PBX3: variants seen among roughly 807,000 people sequenced by gnomAD.
The protein encoded by PBX3 is PBX homeobox 3.
Under a neutral mutation model 48.5 loss-of-function variants are expected in PBX3, and 14 were observed. The observed-to-expected ratio is 0.29, with a 90% confidence interval of 0.19 to 0.45. PBX3 has a LOEUF of 0.45. Ranked by LOEUF, PBX3 falls within the 20% of genes least tolerant of loss-of-function variation. The pLI is 1.00. For missense variants in PBX3, 386 were observed against 546.7 expected (o/e 0.71, Z 2.93); for synonymous variants, 210 against 200.3 (o/e 1.05, Z -0.41).
At chr9:125,748,362 G>C (rs1836266251) in intron 1 of PBX3, 188 bp from the exon 2 acceptor site, 5 of 1,319,482 alleles carry the variant, frequency 3.8e-6, no homozygotes, top group African/African-American at 1.5e-5. Context: ...TCCGGCTGCA[G>C]CTTTCGCCGC....
At chr9:125,775,411 A>G (rs1387588189) in intron 2 of PBX3, among the ~76,000 whole-genome samples, 3 of 152,176 alleles carry the variant, frequency 2.0e-5, no homozygotes, top group Non-Finnish European at 1.5e-5. Flanking sequence ...CATTTGAGTT[A>G]ATTTTTGAAT....
intron 5 of PBX3, among the ~76,000 whole-genome samples, chr9:125,956,301 A>G (rs1319088828): frequency 2.0e-5 from 3 of 152,248 alleles, no homozygotes; most frequent in South Asian, 2.1e-4. Context: ...GCACGTAACC[A>G]TTATGTGATA....
In PBX3 at chr9:125,965,947, G is replaced by A; in HGVS notation, c.*24G>A. ...AATCTCTGGCCACACTTTTCCCTGA[G>A]CTACATGCCTTGATAAGTGCATTCA... On this transcript the variant is annotated 3_prime_UTR_variant, in exon 9 of 9. Coordinates refer to ENST00000373489, the MANE Select transcript of PBX3 (RefSeq NM_006195.6). 6.4e-7 allele frequency: 1 copy of A among 1,564,170 alleles called. No individual in the cohort carries two copies. Among genetic ancestry groups the A allele is most frequent in the Admixed American group, 1.7e-5 (1 of 59,922 alleles).
chr9:125,751,468 T>C (rs1433421248), intron 2 of PBX3, among the ~76,000 whole-genome samples: 1 of 152,240 alleles, frequency 6.6e-6, no homozygotes, highest in African/African-American at 2.4e-5. Flanking sequence ...TTTTCCCTTC[T>C]GACAGATAAA....
chr9:125,778,569 C>T (rs1354571139), intron 2 of PBX3, among the ~76,000 whole-genome samples: 2 of 149,594 alleles, frequency 1.3e-5, no homozygotes, highest in East Asian at 2.0e-4. Context: ...TTTTTTCCTT[C>T]GTGTAGCTAA....
chr9:125,961,538 G>T (rs1458076477), intron 6 of PBX3, among the ~76,000 whole-genome samples: 2 of 152,208 alleles, frequency 1.3e-5, no homozygotes, highest in African/African-American at 4.8e-5. Flanking sequence ...AATTCCAGGG[G>T]CGTTTCTGAG....
intron 2 of PBX3, among the ~76,000 whole-genome samples, chr9:125,822,471 C>T (rs893102113): frequency 6.6e-5 from 10 of 152,026 alleles, no homozygotes; most frequent in Non-Finnish European, 1.2e-4. Flanking sequence ...TCCCTGTTCT[C>T]CAGAGTTTAA....
intron 2 of PBX3, among the ~76,000 whole-genome samples, chr9:125,780,979 G>A (rs1193495899): frequency 6.0e-5 from 6 of 100,750 alleles, no homozygotes; most frequent in Admixed American, 1.0e-4. Context: ...GGGCAGAGGC[G>A]CTCCTCACTT....
At chr9:125,920,705 C>T (rs1255151241) in intron 3 of PBX3, among the ~76,000 whole-genome samples, 1 of 152,184 alleles carries the variant, frequency 6.6e-6, no homozygotes, top group East Asian at 1.9e-4. Flanking sequence ...GGTCCCAACC[C>T]TTCCCAAGCA....
At chr9:125,774,426 G>A (rs191765277) in intron 2 of PBX3, among the ~76,000 whole-genome samples, 3 of 152,186 alleles carry the variant, frequency 2.0e-5, no homozygotes, top group African/African-American at 7.2e-5. Context: ...CCCAGCCCCT[G>A]GCAACCACCA....
chr9:125,876,813 T>A (rs1184665147), intron 2 of PBX3, among the ~76,000 whole-genome samples: 1 of 150,414 alleles, frequency 6.6e-6, no homozygotes, highest in Non-Finnish European at 1.5e-5. Flanking sequence ...TTTTTTTTTT[T>A]TTTTTTTGAG....
At chr9:125,785,382 G>A (rs1392620939) in intron 2 of PBX3, among the ~76,000 whole-genome samples, 1 of 152,130 alleles carries the variant, frequency 6.6e-6, no homozygotes, top group African/African-American at 2.4e-5. Context: ...AAGAAGGTGG[G>A]GTAACCTGGC....
At chr9:125,845,140 C>G (rs1344791063) in intron 2 of PBX3, among the ~76,000 whole-genome samples, 1 of 152,072 alleles carries the variant, frequency 6.6e-6, no homozygotes, top group South Asian at 2.1e-4. Flanking sequence ...TGCTATGTCT[C>G]CGTACCTAAA....
At chr9:125,858,008 C>T (rs779621145) in intron 2 of PBX3, among the ~76,000 whole-genome samples, 1 of 152,124 alleles carries the variant, frequency 6.6e-6, no homozygotes, top group African/African-American at 2.4e-5. Context: ...CTAAAAGAGG[C>T]CATGCATAAA....
intron 2 of PBX3, among the ~76,000 whole-genome samples, chr9:125,898,076 GATAA>G (rs1383339773): frequency 1.5e-4 from 23 of 151,788 alleles, no homozygotes; most frequent in African/African-American, 5.1e-4. Context: ...TGATGGAATT[GATAA>G]ATAATGAGGT....
chr9:125,867,113 C>T (rs1010996648), intron 2 of PBX3, among the ~76,000 whole-genome samples: 5 of 151,908 alleles, frequency 3.3e-5, no homozygotes, highest in African/African-American at 1.2e-4. Context: ...GAAGGGATTT[C>T]AAAGGAAGCT....
At chr9:125,843,522 T>A (rs535292095) in intron 2 of PBX3, among the ~76,000 whole-genome samples, 3 of 152,114 alleles carry the variant, frequency 2.0e-5, no homozygotes, top group Non-Finnish European at 4.4e-5. Context: ...AAACATACCC[T>A]CACTTTCCAC....
chr9:125,796,522 G>A (rs1837784968), intron 2 of PBX3, among the ~76,000 whole-genome samples: 1 of 152,142 alleles, frequency 6.6e-6, no homozygotes, highest in South Asian at 2.1e-4. Context: ...CATGGATGTT[G>A]TAAAGACTTG....
chr9:125,902,736 C>T (rs1446380197), intron 2 of PBX3, among the ~76,000 whole-genome samples: 1 of 151,566 alleles, frequency 6.6e-6, no homozygotes, highest in Non-Finnish European at 1.5e-5. Context: ...ATGCTATTAA[C>T]ATTGATGATG....
Sources: gnomAD v4.1 joint callset for allele counts (sites outside exome capture counted in the v4.1 genomes callset) on GRCh38, gnomAD v4.1.1 for gene constraint, MANE v1.5 for transcripts, NCBI Gene and HGNC (gene_info 2026-07-23, HGNC 2026-07-21) for gene names.